KCNH7: variants seen among roughly 807,000 people sequenced by gnomAD.
The protein encoded by KCNH7 is potassium voltage-gated channel subfamily H member 7, also known as voltage-gated inwardly rectifying potassium channel KCNH7.
A neutral mutation model predicts 120.8 loss-of-function variants in KCNH7; 49 were observed. That is an observed-to-expected ratio of 0.41 (90% CI 0.32 to 0.51). KCNH7 has a LOEUF of 0.51. Ranked by LOEUF, KCNH7 falls within the 20% of genes least tolerant of loss-of-function variation. The pLI is 0.38. For synonymous variants in KCNH7, 547 were observed against 516.1 expected, an observed-to-expected ratio of 1.06 and a Z score of -0.81; for missense variants, 1,097 against 1,446.6, an observed-to-expected ratio of 0.76 and a Z score of 3.92.
chr2:162,389,945 C>A (rs993657391), intron 12 of KCNH7, among the ~76,000 whole-genome samples: 4 of 151,920 alleles, frequency 2.6e-5, no homozygotes, highest in South Asian at 2.1e-4. Flanking sequence ...AACTTTAAGA[C>A]AAACTTTTGA....
At chr2:162,392,105 A>G (rs1573906040) in intron 12 of KCNH7, among the ~76,000 whole-genome samples, 3 of 152,102 alleles carry the variant, frequency 2.0e-5, no homozygotes, top group African/African-American at 7.2e-5. Flanking sequence ...ACCAGTAGCC[A>G]TCATATTTTG....
At chr2:162,481,259 G>C (rs1351366980) in intron 6 of KCNH7, among the ~76,000 whole-genome samples, 1 of 151,860 alleles carries the variant, frequency 6.6e-6, no homozygotes, top group Non-Finnish European at 1.5e-5. Context: ...TATACATCTG[G>C]AGAACAAAAA....
At chr2:162,470,392 G>C (rs1427371099) in intron 6 of KCNH7, among the ~76,000 whole-genome samples, 1 of 149,692 alleles carries the variant, frequency 6.7e-6, no homozygotes. Flanking sequence ...GTCTCTGCCC[G>C]GCCGCCCCGT....
At chr2:162,544,147 T>A (rs977350139) in intron 2 of KCNH7, among the ~76,000 whole-genome samples, 4 of 152,214 alleles carry the variant, frequency 2.6e-5, no homozygotes, top group Middle Eastern at 3.4e-3. Context: ...CTTGGTTTAT[T>A]TCTTGTATTT....
At chr2:162,431,455 T>C (rs1688064386) in intron 8 of KCNH7, among the ~76,000 whole-genome samples, 1 of 152,042 alleles carries the variant, frequency 6.6e-6, no homozygotes, top group African/African-American at 2.4e-5. Context: ...TATACACCTA[T>C]ATACATCAAA....
At chr2:162,511,571 AC>A (rs912852824) in intron 5 of KCNH7, among the ~76,000 whole-genome samples, 17 of 151,238 alleles carry the variant, frequency 1.1e-4, no homozygotes, top group Admixed American at 9.2e-4. Flanking sequence ...TAAAGTGCCT[AC>A]AAAATAAAAT....
At chr2:162,444,960 T>A (rs773715199) in intron 7 of KCNH7, among the ~76,000 whole-genome samples, 3 of 152,086 alleles carry the variant, frequency 2.0e-5, no homozygotes, top group Non-Finnish European at 4.4e-5. Flanking sequence ...ATTATTATCA[T>A]CCTTTTACAG....
intron 2 of KCNH7, among the ~76,000 whole-genome samples, chr2:162,760,421 T>C (rs1479747622): frequency 1.3e-5 from 2 of 152,160 alleles, no homozygotes; most frequent in Non-Finnish European, 2.9e-5. Context: ...AGACATGTTA[T>C]TTATTCAATC....
intron 2 of KCNH7, among the ~76,000 whole-genome samples, chr2:162,703,863 A>G (rs1686602080): frequency 6.6e-6 from 1 of 152,160 alleles, no homozygotes; most frequent in Non-Finnish European, 1.5e-5. Flanking sequence ...ACAATATATG[A>G]TCTCAACAAA....
At chr2:162,820,266 G>A (rs1685071975) in intron 2 of KCNH7, among the ~76,000 whole-genome samples, 1 of 73,292 alleles carries the variant, frequency 1.4e-5, no homozygotes, top group Non-Finnish European at 3.2e-5. Context: ...TAGTAGAGAC[G>A]GGGTTTCACT....
intron 6 of KCNH7, among the ~76,000 whole-genome samples, chr2:162,471,532 G>T (rs971880847): frequency 6.6e-6 from 1 of 152,088 alleles, no homozygotes; most frequent in Non-Finnish European, 1.5e-5. Context: ...ACCTTACAAG[G>T]GATGTGAAGG....
At chr2:162,624,830 G>A (rs928211717) in intron 2 of KCNH7, among the ~76,000 whole-genome samples, 7 of 149,718 alleles carry the variant, frequency 4.7e-5, no homozygotes, top group South Asian at 2.1e-4. Context: ...TTCATATTAC[G>A]CCACCAAAGG....
At chr2:162,761,862 TC>T (rs1688978233) in intron 2 of KCNH7, among the ~76,000 whole-genome samples, 1 of 152,102 alleles carries the variant, frequency 6.6e-6, no homozygotes, top group Non-Finnish European at 1.5e-5. Context: ...CCAGAACCTC[TC>T]CCCTTCCTAG....
chr2:162,401,076 G>T (rs10193618), intron 9 of KCNH7, among the ~76,000 whole-genome samples: 1 of 151,704 alleles, frequency 6.6e-6, no homozygotes, highest in Non-Finnish European at 1.5e-5. Context: ...AGTGTAGTCC[G>T]ATATTCAGAA....
chr2:162,720,515 C>T (rs1574304711), intron 2 of KCNH7, among the ~76,000 whole-genome samples: 1 of 152,058 alleles, frequency 6.6e-6, no homozygotes, highest in South Asian at 2.1e-4. Flanking sequence ...TCCATTTATA[C>T]ATATGCAGGT....
At chr2:162,748,746 G>A (rs960463932) in intron 2 of KCNH7, among the ~76,000 whole-genome samples, 14 of 151,866 alleles carry the variant, frequency 9.2e-5, no homozygotes, top group African/African-American at 3.4e-4. Context: ...TGATGACCAC[G>A]AACAAAGGAG....
rs75544331 is a variant in KCNH7 at position 162,709,106 on chromosome 2, T to C, written c.307+127431A>G. 5.4e-3 allele frequency among the ~76,000 whole-genome samples: 821 copies of C among 152,234 alleles called. 8 individuals carry two copies. The highest frequency in any genetic ancestry group is 0.019 in the African/African-American group (796 of 41,566). ...CTACTATGCCCTAAGTTTCCAAATATGCTTTAATTTTATCATCTGCAAAAT... is the reference window on the plus strand; with the variant it reads ...CTACTATGCCCTAAGTTTCCAAATACGCTTTAATTTTATCATCTGCAAAAT... On this transcript the variant is annotated intron_variant, in intron 2 of 15. Coordinates refer to ENST00000332142, the MANE Select transcript of KCNH7 (RefSeq NM_033272.4).
At chr2:162,823,936 A>G (rs1458755121) in intron 2 of KCNH7, among the ~76,000 whole-genome samples, 1 of 151,544 alleles carries the variant, frequency 6.6e-6, no homozygotes, top group East Asian at 1.9e-4. Flanking sequence ...CTATGAAAAT[A>G]CTTTATTCTT....
intron 9 of KCNH7, among the ~76,000 whole-genome samples, chr2:162,415,802 T>C (rs1461388003): frequency 2.0e-5 from 3 of 152,184 alleles, no homozygotes; most frequent in Non-Finnish European, 4.4e-5. Context: ...GTTATTCTCA[T>C]ATTTAGAAAG....
Sources: gnomAD v4.1 joint callset for allele counts (sites outside exome capture counted in the v4.1 genomes callset) on GRCh38, gnomAD v4.1.1 for gene constraint, MANE v1.5 for transcripts, NCBI Gene and HGNC (gene_info 2026-07-23, HGNC 2026-07-21) for gene names.